The following XRCC1 variants were observed in gnomAD, a reference collection of about 807,000 sequenced individuals.
The protein encoded by XRCC1 is DNA repair protein XRCC1.
XRCC1 carries 52 observed loss-of-function variants against 83.3 expected under a neutral mutation model. The ratio of observed to expected loss-of-function variants is 0.62; its 90% CI spans 0.50 to 0.79. The LOEUF (loss-of-function observed/expected upper bound fraction) is 0.79, where lower values mean the gene tolerates loss of function less well. XRCC1 is among the 30% of genes least tolerant of loss of function. The pLI, the probability that XRCC1 is intolerant of heterozygous loss-of-function variation, is 0.00. For missense variants in XRCC1, 793 were observed against 823.5 expected (o/e 0.96, Z 0.45); for synonymous variants, 281 against 312.6 (o/e 0.90, Z 1.07).
intron 3 of XRCC1, among the ~76,000 whole-genome samples, chr19:43,560,054 C>A (rs1972680847): frequency 6.6e-6 from 1 of 151,768 alleles, no homozygotes; most frequent in Admixed American, 6.6e-5. Context: ...GTACTCCAGC[C>A]TGGGCAACGG....
intron 2 of XRCC1, among the ~76,000 whole-genome samples, chr19:43,564,855 C>T (rs1380890271): frequency 6.6e-6 from 1 of 152,078 alleles, no homozygotes. Context: ...GTCTGAAACT[C>T]GGCCTTACAG....
intron 3 of XRCC1, among the ~76,000 whole-genome samples, chr19:43,559,205 C>T (rs375374745): frequency 5.6e-4 from 85 of 151,540 alleles, no homozygotes; most frequent in African/African-American, 1.9e-3. Context: ...AGAAAAGGGC[C>T]GGGTGCGGTG....
intron 10 of XRCC1, among the ~76,000 whole-genome samples, chr19:43,547,655 GTTTT>G (rs1050573885): frequency 2.0e-5 from 3 of 151,550 alleles, no homozygotes; most frequent in African/African-American, 4.9e-5. Context: ...CTAATTTTGT[GTTTT>G]TTGTGTTGTT....
intron 1 of XRCC1, 42 bp from the exon 2 acceptor site, chr19:43,575,044 G>T: frequency 1.3e-6 from 2 of 1,506,478 alleles, no homozygotes; most frequent in South Asian, 2.3e-5. Flanking sequence ...GCACAGAGAT[G>T]ACAGCTAGGC....
At chr19:43,566,741 T>C (rs1330252246) in intron 2 of XRCC1, among the ~76,000 whole-genome samples, 1 of 151,498 alleles carries the variant, frequency 6.6e-6, no homozygotes, top group Non-Finnish European at 1.5e-5. Context: ...TAGTTGGGCA[T>C]GGTGGCATGC....
chr19:43,551,903 T>TGA, intron 9 of XRCC1, 114 bp downstream of exon 9: 7 of 1,235,990 alleles, frequency 5.7e-6, no homozygotes, highest in Admixed American at 1.9e-5. Flanking sequence ...AGAAAGCAAG[T>TGA]GAGAGAGAGA....
At chr19:43,544,357 T>C in intron 14 of XRCC1, 123 bp from the exon 15 acceptor site, 1 of 792,746 alleles carries the variant, frequency 1.3e-6, no homozygotes, top group African/African-American at 1.7e-5. Context: ...CAGGGATTGA[T>C]GGCAGGCAGT....
At chr19:43,552,762 G>A (rs758029718) in intron 8 of XRCC1, 35 bp downstream of exon 8, 1 of 1,529,976 alleles carries the variant, frequency 6.5e-7, no homozygotes, top group South Asian at 1.2e-5. Flanking sequence ...CAGGAGCACA[G>A]GCCCCTGTGG....
rs1313609139 is a variant in XRCC1, at chr19:43,544,385, C to A, written c.1622-151G>T. The A allele has an allele frequency of 1.1e-5, 7 of 650,028 alleles. No homozygotes were observed. The East Asian group carries it at 1.9e-4, about 18-fold the overall frequency. The allele number at this position is 650,028 out of a possible 1,614,324, so 40.3% of individuals were successfully genotyped here. On this transcript the variant is annotated intron_variant, in intron 14 of 16. Coordinates refer to ENST00000262887, the MANE Select transcript of XRCC1 (RefSeq NM_006297.3). ...CAGGCAGTGGACCCTGCCCAGCGGC[C>A]CATCAGAGCCTCCTGGGGAGGTAGG... is the stretch of plus-strand genomic sequence containing the variant.
intron 3 of XRCC1, among the ~76,000 whole-genome samples, chr19:43,557,186 G>C (rs529502855): frequency 6.7e-6 from 1 of 150,254 alleles, no homozygotes; most frequent in South Asian, 2.1e-4. Context: ...GCGCGTGCCT[G>C]TAGTCCCAGC....
At chr19:43,553,271 C>A in intron 6 of XRCC1, 130 bp downstream of exon 6, 2 of 1,190,996 alleles carry the variant, frequency 1.7e-6, no homozygotes, top group Non-Finnish European at 2.4e-6. Flanking sequence ...ACCCTGAGAC[C>A]CAGGAGTCCA....
chr19:43,553,524 C>G lies in XRCC1; in HGVS notation c.490-12G>C. The G allele has an allele frequency of 6.2e-7, 1 of 1,614,086 alleles. No individual in the cohort carries two copies. Among genetic ancestry groups the G allele is most frequent in the Non-Finnish European group, 8.5e-7 (1 of 1,179,998 alleles). ...GTCACTGTCACCTTCTAAGGTCCCG[C>G]AAGGTCAGTATTATAGGTGGGCTGC... On this transcript the variant is annotated splice_polypyrimidine_tract_variant and intron_variant, in intron 5 of 16. Coordinates refer to ENST00000262887, the MANE Select transcript of XRCC1 (RefSeq NM_006297.3).
At chr19:43,572,012 A>T (rs2854508) in intron 2 of XRCC1, among the ~76,000 whole-genome samples, 121,576 of 151,852 alleles carry the variant, frequency 0.8, 48,765 homozygotes, top group East Asian at 0.88. Flanking sequence ...TGCCACCCCT[A>T]GAATGTCCCA....
chr19:43,568,625 G>A (rs981666612), intron 2 of XRCC1, among the ~76,000 whole-genome samples: 6 of 151,888 alleles, frequency 4.0e-5, no homozygotes, highest in Non-Finnish European at 8.8e-5. Flanking sequence ...TATATACTAT[G>A]AATTTTTTAA....
At chr19:43,562,281 T>A (rs1972707318) in intron 2 of XRCC1, among the ~76,000 whole-genome samples, 2 of 151,992 alleles carry the variant, frequency 1.3e-5, no homozygotes, top group East Asian at 3.9e-4. Flanking sequence ...CACACTGCTA[T>A]CAACAGGAAC....
intron 3 of XRCC1, 169 bp from the exon 4 acceptor site, chr19:43,554,973 T>A: frequency 1.5e-6 from 1 of 646,494 alleles, no homozygotes; most frequent in Non-Finnish European, 2.5e-6. Context: ...CTTGAGTCAG[T>A]CCTGCCCTGA....
chr19:43,548,141 C>CG (rs1443325440), intron 10 of XRCC1, among the ~76,000 whole-genome samples: 41 of 150,494 alleles, frequency 2.7e-4, no homozygotes, highest in Admixed American at 3.3e-4. Context: ...CCAGCCGCCC[C>CG]TCCAGGAGGG....
intron 14 of XRCC1, among the ~76,000 whole-genome samples, chr19:43,544,924 C>G (rs1315753620): frequency 3.3e-5 from 5 of 152,120 alleles, no homozygotes; most frequent in Admixed American, 2.0e-4. Context: ...TCTCAAAGTA[C>G]GGGGTGAGCC....
intron 2 of XRCC1, among the ~76,000 whole-genome samples, chr19:43,564,564 G>A (rs529167716): frequency 2.0e-5 from 3 of 152,176 alleles, no homozygotes; most frequent in Admixed American, 6.5e-5. Context: ...TGAGGCAGGC[G>A]GATCACCTGA....
Sources: allele counts gnomAD v4.1 joint callset (sites outside exome capture counted in the v4.1 genomes callset), GRCh38; gene constraint gnomAD v4.1.1; transcripts MANE v1.5; gene names NCBI Gene and HGNC (gene_info 2026-07-23, HGNC 2026-07-21).